Variants in PACSIN1 observed in about 807,000 individuals in gnomAD.
The protein encoded by PACSIN1 is protein kinase C and casein kinase substrate in neurons protein 1.
In PACSIN1, 15 loss-of-function variants were observed where a neutral mutation model predicts 59.5. The observed-to-expected ratio is 0.25, with a 90% confidence interval of 0.17 to 0.39. The LOEUF (loss-of-function observed/expected upper bound fraction) is 0.39. PACSIN1 is among the 10% of genes least tolerant of loss of function. PACSIN1 has a pLI of 1.00. For synonymous variants in PACSIN1, 210 were observed against 220.6 expected (o/e 0.95, Z 0.42); for missense variants, 420 against 580.2 (o/e 0.72, Z 2.84).
rs962603690 is a variant in PACSIN1 at position 34,515,522 on chromosome 6, C to T, written c.-63-10721C>T. On this transcript the variant is annotated intron_variant, in intron 1 of 9. Coordinates refer to ENST00000244458, the MANE Select transcript of PACSIN1 (RefSeq NM_020804.5). The surrounding 1 kb of genome is among the most constrained non-coding windows in gnomAD (Gnocchi z 4.4). ...GATAAGCAGACTCTCCTCCCACCCC[C>T]GATGACACCAGAGCCTCCCTGCTGG... Among the ~76,000 whole-genome samples the T allele has an allele frequency of 1.3e-5, 2 of 152,152 alleles. No homozygotes were observed. The highest frequency in any genetic ancestry group is 2.1e-4 in the South Asian group (1 of 4,824).
rs146863124 is a variant in PACSIN1, at chr6:34,484,531, C to T, written c.-64+18261C>T. On this transcript the variant is annotated intron_variant, in intron 1 of 9. Coordinates refer to ENST00000244458, the MANE Select transcript of PACSIN1 (RefSeq NM_020804.5). ...CTGTATGATACTATGATGGTAGATA[C>T]ATGTCATCAACATGAGTCAAAACCT... Among the ~76,000 whole-genome samples, 233 of 152,248 alleles carry T rather than the reference C, an allele frequency of 1.5e-3. 1 individual carries two copies. The highest frequency in any genetic ancestry group is 0.01 in the Middle Eastern group (3 of 294).
At position 34,524,032 on chromosome 6, in the gene PACSIN1, G is replaced by A. The variant is rs1581984264; in HGVS notation, c.-63-2211G>A. Among the ~76,000 whole-genome samples, 3 of 152,200 alleles carry A rather than the reference G, an allele frequency of 2.0e-5. No individual in the cohort carries two copies. In the East Asian group the frequency reaches 5.8e-4, roughly 29 times the overall value. ...GCGAATTGCCCATGGTCACACAGCA[G>A]GTTGGTAGCAGAGCAGGGACCCTGA... is the stretch of plus-strand genomic sequence containing the variant. On this transcript the variant is annotated intron_variant, in intron 1 of 9. Coordinates refer to ENST00000244458, the MANE Select transcript of PACSIN1 (RefSeq NM_020804.5).
At chr6:34,481,885 A>G (rs1314519437) in intron 1 of PACSIN1, among the ~76,000 whole-genome samples, 1 of 152,152 alleles carries the variant, frequency 6.6e-6, no homozygotes, top group African/African-American at 2.4e-5. Context: ...GGTAACCGCT[A>G]TCTAATTCCA....
chr6:34,498,725 A>G (rs1766982172), intron 1 of PACSIN1, among the ~76,000 whole-genome samples: 3 of 148,838 alleles, frequency 2.0e-5, no homozygotes, highest in Admixed American at 1.4e-4. Flanking sequence ...GAGCCCGGGA[A>G]GGTCATGGCT....
Position 34,532,701 on chromosome 6 carries a change from A to G in PACSIN1, c.*171A>G. 1.7e-6 allele frequency: 1 copy of G among 587,726 alleles called. No homozygotes were observed. The highest frequency in any genetic ancestry group is 3.0e-6 in the Non-Finnish European group (1 of 328,720). The allele number at this position is 587,726 out of a possible 1,614,324, so 36.4% of individuals were successfully genotyped here. A position where few individuals can be genotyped will look rare whatever the true frequency, so the allele number is the denominator to read the frequency against. ...AAGTATGCAGAGACAGAGCATTTGC[A>G]GGGCCACCTGGAGGCTGGGGTGCTG... On this transcript the variant is annotated 3_prime_UTR_variant, in exon 10 of 10. Coordinates refer to ENST00000244458, the MANE Select transcript of PACSIN1 (RefSeq NM_020804.5). The surrounding 1 kb of genome is among the most constrained non-coding windows in gnomAD (Gnocchi z 5.2).
In PACSIN1 at chr6:34,496,197, C is replaced by G. The variant is rs557069712; in HGVS notation, c.-64+29927C>G. On this transcript the variant is annotated intron_variant, in intron 1 of 9. Transcript: ENST00000244458. ...GGCCCAGCACCTGGGCTGAGTGAAG[C>G]CTTGGTCACAATGGCTCATTGGGGA... Among the ~76,000 whole-genome samples, 237 of 152,328 alleles carry G rather than the reference C, an allele frequency of 1.6e-3. 1 individual carries two copies. Among genetic ancestry groups the G allele is most frequent in the African/African-American group, 5.2e-3 (216 of 41,566 alleles).
At chr6:34,499,320 C>T (rs1766991716) in intron 1 of PACSIN1, among the ~76,000 whole-genome samples, 1 of 151,532 alleles carries the variant, frequency 6.6e-6, no homozygotes, top group Admixed American at 6.6e-5. Flanking sequence ...TGGCTAAATA[C>T]AAGGTTCCTT....
chr6:34,499,060 A>G (rs890148975), intron 1 of PACSIN1, among the ~76,000 whole-genome samples: 1 of 152,114 alleles, frequency 6.6e-6, no homozygotes, highest in Non-Finnish European at 1.5e-5. Flanking sequence ...ATTATAATAT[A>G]TAATGAAATA....
At chr6:34,502,031 CAAA>C (rs55848755) in intron 1 of PACSIN1, among the ~76,000 whole-genome samples, 6 of 67,226 alleles carry the variant, frequency 8.9e-5, no homozygotes, top group Admixed American at 2.9e-4. Context: ...GACTCTGTCT[CAAA>C]AAAAAAAAAA....
In PACSIN1 at chr6:34,517,574, C is replaced by T. The variant is rs146734240; in HGVS notation, c.-63-8669C>T. Among the ~76,000 whole-genome samples the T allele has an allele frequency of 9.9e-4, 150 of 152,128 alleles. No individual in the cohort carries two copies. In the East Asian group the frequency reaches 0.012, roughly 12 times the overall value. On this transcript the variant is annotated intron_variant, in intron 1 of 9. Transcript: ENST00000244458. ...CCCCTTGCTCCTCAAGCCTGGCAGC[C>T]GGCTTCTGCCCCAGGGCCTTTGCAT...
chr6:34,491,353 G>T (rs1766873729), intron 1 of PACSIN1, among the ~76,000 whole-genome samples: 1 of 152,096 alleles, frequency 6.6e-6, no homozygotes, highest in Admixed American at 6.5e-5. Flanking sequence ...GGGAGCTCTT[G>T]TCCCTGCAGT....
chr6:34,490,049 A>C (rs1320976054), intron 1 of PACSIN1, among the ~76,000 whole-genome samples: 1 of 150,974 alleles, frequency 6.6e-6, no homozygotes, highest in Non-Finnish European at 1.5e-5. Context: ...AACCCCCATC[A>C]TGAAGCCTTG....
In PACSIN1 at chr6:34,529,486, G is replaced by A. The variant is rs750892065; in HGVS notation, c.546G>A (p.Ser182=). The A allele has an allele frequency of 8.7e-6, 14 of 1,613,988 alleles. No individual in the cohort carries two copies. The Admixed American group carries it at 1.0e-4, about 12-fold the overall frequency. Residue 182 remains serine, a synonymous_variant, in exon 5 of 10, where the codon TCG becomes TCA. Coordinates refer to ENST00000244458, the MANE Select transcript of PACSIN1 (RefSeq NM_020804.5). The surrounding 1 kb of genome is among the most constrained non-coding windows in gnomAD (Gnocchi z 6.3). ...AGATGAACAGCAAGACGGAGCAATC[G>A]GTCACACCTGAGCAGCAAAAGAAGC... ...TREMNSKTEQ[S]VTPEQQKKLQ...
At position 34,474,364 on chromosome 6, in the gene PACSIN1, G is replaced by A. The variant is rs146314794; in HGVS notation, c.-64+8094G>A. ...CACTATCCTCTCCTAGATCTTTGCA[G>A]CAGCCTCTACCTGGTCTTCCTGCCC... is the stretch of plus-strand genomic sequence containing the variant. On this transcript the variant is annotated intron_variant, in intron 1 of 9. Coordinates refer to ENST00000244458, the MANE Select transcript of PACSIN1 (RefSeq NM_020804.5). 1.4e-3 allele frequency among the ~76,000 whole-genome samples: 213 copies of A among 152,182 alleles called. 5 individuals are homozygous for A. The East Asian group carries it at 0.039, about 28-fold the overall frequency.
intron 1 of PACSIN1, among the ~76,000 whole-genome samples, chr6:34,503,175 A>G (rs765591165): frequency 1.2e-4 from 18 of 151,694 alleles, no homozygotes; most frequent in Non-Finnish European, 2.1e-4. Flanking sequence ...GGCTGTCCGT[A>G]GGAGGATTGC....
At chr6:34,523,036 C>T (rs1767422085) in intron 1 of PACSIN1, among the ~76,000 whole-genome samples, 1 of 152,226 alleles carries the variant, frequency 6.6e-6, no homozygotes, top group African/African-American at 2.4e-5. Context: ...GGAAATAATG[C>T]TTCACCAGCT....
chr6:34,468,147 T>A (rs116385902), intron 1 of PACSIN1, among the ~76,000 whole-genome samples: 3,136 of 152,302 alleles, frequency 0.021, 91 homozygotes, highest in African/African-American at 0.069. Context: ...TTCCTCAGCC[T>A]CTAAGGTCTT....
intron 1 of PACSIN1, among the ~76,000 whole-genome samples, chr6:34,474,836 C>A (rs1372969216): frequency 6.6e-6 from 1 of 151,136 alleles, no homozygotes; most frequent in Non-Finnish European, 1.5e-5. Flanking sequence ...TGCAAGACCC[C>A]ATGTGATCCG....
intron 1 of PACSIN1, among the ~76,000 whole-genome samples, chr6:34,483,630 A>C (rs1766752575): frequency 7.6e-6 from 1 of 131,812 alleles, no homozygotes; most frequent in Admixed American, 8.5e-5. Context: ...TCTCTCCTTC[A>C]AGGACTTTTT....
Sources: allele counts gnomAD v4.1 joint callset (sites outside exome capture counted in the v4.1 genomes callset), GRCh38; gene constraint gnomAD v4.1.1; non-coding constraint Gnocchi (gnomAD v3.1); transcripts MANE v1.5; gene names NCBI Gene and HGNC (gene_info 2026-07-23, HGNC 2026-07-21).